WDR17: variants seen among roughly 807,000 people sequenced by gnomAD.
WDR17 encodes WD repeat domain 17.
Under a neutral mutation model 161.7 loss-of-function variants are expected in WDR17, and 143 were observed. The ratio of observed to expected loss-of-function variants is 0.88; its 90% CI spans 0.77 to 1.02. The LOEUF is 1.02. Among genes scored for constraint, WDR17 ranks in the 50% least tolerant of loss-of-function variants. The probability of loss-of-function intolerance (pLI) is 0.00; values close to 1 mark genes in which losing one functional copy is unlikely to be tolerated. For missense variants in WDR17, 1,469 were observed against 1,520.9 expected (o/e 0.97, Z 0.57); for synonymous variants, 517 against 515.6 (o/e 1.00, Z -0.04).
At position 176,125,159 on chromosome 4, in the gene WDR17, A is replaced by C; in HGVS notation, c.594A>C (p.Glu198Asp). Residue 198 changes from glutamate to aspartate, a missense_variant, in exon 5 of 29, where the codon GAA becomes GAC. By Grantham distance (45) the Glu-to-Asp change is conservative. Transcript: ENST00000508596. ...LRPESLEGTD[E>D]EDPVTALEWD... ...CAGAATCTCTTGAAGGGACAGATGA[A>C]GAGGATCCAGTTACGGCCTTGGAAT... The C allele has an allele frequency of 1.2e-6, 2 of 1,614,198 alleles. No individual in the cohort carries two copies. Among genetic ancestry groups the C allele is most frequent in the Non-Finnish European group, 1.7e-6 (2 of 1,180,014 alleles).
chr4:176,106,582 T>C (rs997001428), intron 1 of WDR17, among the ~76,000 whole-genome samples: 1 of 152,184 alleles, frequency 6.6e-6, no homozygotes, highest in African/African-American at 2.4e-5. Context: ...ATCTGGGATA[T>C]GATAACAAAG....
At chr4:176,076,194 A>AC (rs1182881893) in intron 1 of WDR17, among the ~76,000 whole-genome samples, 1 of 94,392 alleles carries the variant, frequency 1.1e-5, no homozygotes, top group Non-Finnish European at 2.4e-5. Context: ...ATGGATAGTT[A>AC]ACTGTATGTT....
At chr4:176,141,861 C>T in intron 10 of WDR17, 122 bp from the exon 11 acceptor site, 2 of 760,486 alleles carry the variant, frequency 2.6e-6, no homozygotes, top group South Asian at 2.7e-5. Flanking sequence ...GTTCTTTTTG[C>T]TTTGTAGACA....
intron 1 of WDR17, among the ~76,000 whole-genome samples, chr4:176,110,647 T>C (rs1739555422): frequency 6.6e-6 from 1 of 152,240 alleles, no homozygotes; most frequent in South Asian, 2.1e-4. Flanking sequence ...CACCATTTAC[T>C]GTCTGTTCTC....
chr4:176,144,887 TA>T (rs924203252), intron 11 of WDR17, among the ~76,000 whole-genome samples: 68 of 152,120 alleles, frequency 4.5e-4, no homozygotes, highest in African/African-American at 1.6e-3. Flanking sequence ...TACATATATA[TA>T]AAAATATACT....
rs1325724306 is a variant in WDR17, at chr4:176,148,125, G to C, written c.1695-8G>C. On this transcript the variant is annotated splice_polypyrimidine_tract_variant and splice_region_variant and intron_variant, in intron 12 of 28. Transcript: ENST00000508596. ...AATGTTATCACACCCATAATATTCT[G>C]TTTTCAGTACCGTTCGAATCTGGGA... 2 of 1,612,718 alleles carry C rather than the reference G, an allele frequency of 1.2e-6. No individual in the cohort carries two copies. Among genetic ancestry groups the C allele is most frequent in the Admixed American group, 1.7e-5 (1 of 59,956 alleles).
At chr4:176,090,276 C>T (rs1222484163) in intron 1 of WDR17, among the ~76,000 whole-genome samples, 1 of 150,038 alleles carries the variant, frequency 6.7e-6, no homozygotes, top group Non-Finnish European at 1.5e-5. Flanking sequence ...AAAAAAAAGC[C>T]TGGCATTTCC....
At chr4:176,105,535 G>A (rs895411541) in intron 1 of WDR17, among the ~76,000 whole-genome samples, 8 of 151,932 alleles carry the variant, frequency 5.3e-5, no homozygotes, top group Middle Eastern at 6.8e-3. Flanking sequence ...GAACACTGTG[G>A]GATAAAGTTA....
At chr4:176,080,574 G>C (rs1286250124) in intron 1 of WDR17, among the ~76,000 whole-genome samples, 1 of 152,102 alleles carries the variant, frequency 6.6e-6, no homozygotes, top group African/African-American at 2.4e-5. Context: ...GGCAGCTACT[G>C]CTGCTAAAGT....
In WDR17 at chr4:176,119,936, C is replaced by T. The variant is rs374033812; in HGVS notation, c.377C>T (p.Pro126Leu). The change falls in exon 4 of 29, where the codon CCA becomes CTA. Residue 126 changes from proline (P) to leucine (L), a missense_variant. Pro to Leu is a moderately conservative substitution (Grantham distance 98, BLOSUM62 -3). Transcript: ENST00000508596. ...DVVAFVSHRG[P>L]LFIWTISGPD... ...GTGGCATTTGTTTCCCACAGAGGCCCACTGTTCATTTGGACCATCTCAGGA... is the reference window on the plus strand; with the variant it reads ...GTGGCATTTGTTTCCCACAGAGGCCTACTGTTCATTTGGACCATCTCAGGA... 6.2e-7 allele frequency: 1 copy of T among 1,613,852 alleles called. No homozygotes were observed. Among genetic ancestry groups the T allele is most frequent in the Non-Finnish European group, 8.5e-7 (1 of 1,179,986 alleles).
intron 4 of WDR17, among the ~76,000 whole-genome samples, chr4:176,122,004 A>G (rs1261107326): frequency 6.6e-6 from 1 of 152,190 alleles, no homozygotes; most frequent in African/African-American, 2.4e-5. Context: ...GGGCTGATGT[A>G]AGAAGACTAT....
intron 1 of WDR17, among the ~76,000 whole-genome samples, chr4:176,110,387 A>G (rs1368716557): frequency 1.3e-5 from 2 of 152,102 alleles, no homozygotes; most frequent in African/African-American, 4.8e-5. Flanking sequence ...CGGCCTCCCA[A>G]AGAGCTGGGA....
At chr4:176,179,345 A>G in intron 28 of WDR17, 115 bp from the exon 29 acceptor site, 3 of 1,170,252 alleles carry the variant, frequency 2.6e-6, no homozygotes, top group Non-Finnish European at 2.2e-6. Flanking sequence ...TTTTTTTATT[A>G]GCTTTGCCTA....
chr4:176,080,795 C>T (rs1734646766), intron 1 of WDR17, among the ~76,000 whole-genome samples: 1 of 151,982 alleles, frequency 6.6e-6, no homozygotes, highest in Admixed American at 6.6e-5. Context: ...TATCTCTTTG[C>T]TTGGTTGTCT....
intron 6 of WDR17, among the ~76,000 whole-genome samples, chr4:176,129,866 G>T (rs900643600): frequency 6.7e-6 from 1 of 149,012 alleles, no homozygotes. Flanking sequence ...ACTGTTTAGG[G>T]ATGTTGGAAT....
intron 1 of WDR17, among the ~76,000 whole-genome samples, chr4:176,084,765 TTATATATTATATATATATATAAAATA>T (rs1735208652): frequency 6.8e-6 from 1 of 146,770 alleles, no homozygotes; most frequent in South Asian, 2.1e-4. Flanking sequence ...TATATATATA[TTATATATTATATATATATATAAAATA>T]TATATATATA....
rs750121977 is a variant in WDR17, at chr4:176,148,257, GACTAT to G, written c.1826_1830del (p.Thr609LysfsTer16). 116 of 1,613,994 alleles carry G rather than the reference GACTAT, an allele frequency of 7.2e-5. No homozygotes were observed. Among genetic ancestry groups the G allele is most frequent in the Admixed American group, 5.7e-4 (34 of 60,020 alleles). Reference sequence around the variant, plus strand: ...ATATCTGCTCATATCTGGCAGCTGGGACTATACTATAAAAGTATGGGACACTCGAG... The same window carrying G: ...ATATCTGCTCATATCTGGCAGCTGGGACTATAAAAGTATGGGACACTCGAG... On this transcript the variant is annotated frameshift_variant, in exon 13 of 29. Coordinates refer to ENST00000508596, the MANE Select transcript of WDR17 (RefSeq NM_181265.4). LOFTEE classifies it high-confidence loss of function.
In WDR17 at chr4:176,071,330, C is replaced by CTTTTTT. The variant is rs10654973; in HGVS notation, c.-7+5256_-7+5261dup. Among the ~76,000 whole-genome samples, 189 of 143,618 alleles carry CTTTTTT rather than the reference C, an allele frequency of 1.3e-3. 9 individuals carry two copies. Among genetic ancestry groups the CTTTTTT allele is most frequent in the Admixed American group, 4.1e-3 (59 of 14,408 alleles). 94.2% of individuals were successfully genotyped at this position (143,618 alleles called of 152,430 possible). On this transcript the variant is annotated intron_variant, in intron 1 of 28. Coordinates refer to ENST00000508596, the MANE Select transcript of WDR17 (RefSeq NM_181265.4). ...TTCTCCCTTTTCTTTTTTCTTTTCT[C>CTTTTTT]TTTTTTTTTTGAGACAGAGTCTCAC... is the stretch of plus-strand genomic sequence containing the variant.
At chr4:176,177,206 T>C (rs2126899911) in intron 27 of WDR17, 50 bp downstream of exon 27, 3 of 1,490,406 alleles carry the variant, frequency 2.0e-6, no homozygotes, top group East Asian at 4.5e-5. Flanking sequence ...TTTGATGTTA[T>C]AGACAAACTT....
Sources: allele counts gnomAD v4.1 joint callset (sites outside exome capture counted in the v4.1 genomes callset), GRCh38; gene constraint gnomAD v4.1.1; transcripts MANE v1.5; gene names NCBI Gene and HGNC (gene_info 2026-07-23, HGNC 2026-07-21).